ELMO1: variants seen among roughly 807,000 people sequenced by gnomAD.
ELMO1 encodes engulfment and cell motility protein 1.
Under a neutral mutation model 98.9 loss-of-function variants are expected in ELMO1, and 26 were observed. That is an observed-to-expected ratio of 0.26 (90% CI 0.19 to 0.36). ELMO1 has a LOEUF of 0.36. ELMO1 is among the 10% of genes least tolerant of loss of function. ELMO1 has a pLI of 1.00. For synonymous variants in ELMO1, 346 were observed against 346.0 expected, an observed-to-expected ratio of 1.00 and a Z score of 0.00; for missense variants, 627 against 935.2, an observed-to-expected ratio of 0.67 and a Z score of 4.30.
intron 16 of ELMO1, among the ~76,000 whole-genome samples, chr7:36,981,736 A>G (rs1410481169): frequency 6.6e-6 from 1 of 152,220 alleles, no homozygotes; most frequent in Non-Finnish European, 1.5e-5. Context: ...AAGAGGAAAC[A>G]GCATACTGTT....
intron 15 of ELMO1, among the ~76,000 whole-genome samples, chr7:37,089,404 AC>A (rs969944999): frequency 3.2e-4 from 48 of 152,210 alleles, no homozygotes; most frequent in Non-Finnish European, 5.9e-5. Context: ...CTAATTATAA[AC>A]GGTCAAACAG....
intron 15 of ELMO1, among the ~76,000 whole-genome samples, chr7:37,018,007 C>T (rs759038958): frequency 2.6e-5 from 4 of 152,114 alleles, no homozygotes; most frequent in Non-Finnish European, 4.4e-5. Context: ...CCTGTTTCCT[C>T]ATCTGTGAAA....
rs1014376278 is a variant in ELMO1 at position 37,151,472 on chromosome 7, C to T, written c.1087-18238G>A. ...ACTGGGTAACAAAATCCTAATGGGGCCTTCTAGCTCCCAAGCCTTCCGACC... is the reference window on the plus strand; with the variant it reads ...ACTGGGTAACAAAATCCTAATGGGGTCTTCTAGCTCCCAAGCCTTCCGACC... On this transcript the variant is annotated intron_variant, in intron 13 of 21. Coordinates refer to ENST00000310758, the MANE Select transcript of ELMO1 (RefSeq NM_014800.11). 5.3e-5 allele frequency among the ~76,000 whole-genome samples: 8 copies of T among 152,250 alleles called. No individual in the cohort carries two copies. The East Asian group carries it at 1.4e-3, about 26-fold the overall frequency.
At chr7:37,035,226 C>T (rs1795112897) in intron 15 of ELMO1, among the ~76,000 whole-genome samples, 1 of 152,166 alleles carries the variant, frequency 6.6e-6, no homozygotes, top group African/African-American at 2.4e-5. Context: ...AGCTATTTCT[C>T]CTATTAGCTA....
intron 4 of ELMO1, among the ~76,000 whole-genome samples, chr7:37,301,218 A>G (rs1263031740): frequency 6.6e-6 from 1 of 152,086 alleles, no homozygotes; most frequent in Non-Finnish European, 1.5e-5. Flanking sequence ...CAAAATAAGA[A>G]TGAAGTCATG....
At chr7:36,886,065 T>C (rs566226678) in intron 18 of ELMO1, among the ~76,000 whole-genome samples, 1 of 152,282 alleles carries the variant, frequency 6.6e-6, no homozygotes, top group African/African-American at 2.4e-5. Flanking sequence ...AGCCCTGTGG[T>C]CTTCTTGGAA....
intron 1 of ELMO1, among the ~76,000 whole-genome samples, chr7:37,357,872 A>G (rs1801550949): frequency 6.6e-6 from 1 of 152,258 alleles, no homozygotes; most frequent in Non-Finnish European, 1.5e-5. Flanking sequence ...CCAGTGGGCC[A>G]TGCTTAAGAA....
At chr7:36,984,830 A>G in intron 16 of ELMO1, 1 of 874,662 alleles carries the variant, frequency 1.1e-6, no homozygotes, top group Non-Finnish European at 1.4e-6. Flanking sequence ...CAAAATCAGG[A>G]GACAATCAGG....
chr7:37,193,033 G>A (rs1268280555), intron 13 of ELMO1, among the ~76,000 whole-genome samples: 1 of 141,654 alleles, frequency 7.1e-6, no homozygotes, highest in African/African-American at 2.7e-5. Context: ...TTAAAGAGTG[G>A]AAAGAAAAAG....
chr7:37,165,283 CAG>C (rs940298824), intron 13 of ELMO1, among the ~76,000 whole-genome samples: 55 of 152,196 alleles, frequency 3.6e-4, no homozygotes, highest in African/African-American at 1.2e-3. Context: ...CATCTGCAAA[CAG>C]GGACAATTTG....
chr7:37,231,988 G>T (rs1003550567), intron 8 of ELMO1, among the ~76,000 whole-genome samples: 8 of 152,016 alleles, frequency 5.3e-5, no homozygotes, highest in African/African-American at 1.9e-4. Flanking sequence ...AAGTAGGCGG[G>T]ATTACAGGCT....
intron 1 of ELMO1, among the ~76,000 whole-genome samples, chr7:37,391,180 G>C (rs769900087): frequency 6.6e-6 from 1 of 151,710 alleles, no homozygotes. Flanking sequence ...GTGGTGGCTC[G>C]ATCTCAGCTC....
chr7:37,257,122 A>G (rs1795706442), intron 6 of ELMO1, among the ~76,000 whole-genome samples: 1 of 152,190 alleles, frequency 6.6e-6, no homozygotes, highest in Non-Finnish European at 1.5e-5. Flanking sequence ...TTCAGTGGTT[A>G]AAGGAGTTGT....
Position 37,151,831 on chromosome 7 carries a change from G to A in ELMO1, c.1087-18597C>T, listed in dbSNP as rs542930139. ...CCCCACGATAAAGCTAACAAATACC[G>A]AGGAGAAATTTTCCACTCTCTTTCT... On this transcript the variant is annotated intron_variant, in intron 13 of 21. Transcript: ENST00000310758. 2.9e-3 allele frequency among the ~76,000 whole-genome samples: 435 copies of A among 152,218 alleles called. 1 individual carries two copies. The highest frequency in any genetic ancestry group is 9.8e-3 in the African/African-American group (406 of 41,520).
At chr7:36,976,260 T>G (rs1790536916) in intron 16 of ELMO1, among the ~76,000 whole-genome samples, 1 of 152,252 alleles carries the variant, frequency 6.6e-6, no homozygotes, top group Non-Finnish European at 1.5e-5. Context: ...TTTTCCCCAC[T>G]CTACCTCAAT....
At position 36,894,959 on chromosome 7, in the gene ELMO1, A is replaced by T; in HGVS notation, c.1496T>A (p.Leu499Gln). 6.2e-7 allele frequency: 1 copy of T among 1,614,120 alleles called. No homozygotes were observed. Among genetic ancestry groups the T allele is most frequent in the Non-Finnish European group, 8.5e-7 (1 of 1,180,004 alleles). The change falls in exon 17 of 22, where the codon CTG (leucine) becomes CAG (glutamine). Residue 499 changes from leucine to glutamine, a missense_variant. This residue lies in a region of ELMO1 where 492 missense variants were observed against 715.6 expected (regional missense o/e 0.69). Coordinates refer to ENST00000310758, the MANE Select transcript of ELMO1 (RefSeq NM_014800.11). ...CTGCAGTTTGCTCTTGAACTGGTCC[A>T]GGGAGCTAGGCTTGGTTGTAAGTGC... ...MRALTTKPSS[L>Q]DQFKSKLQNL...
intron 13 of ELMO1, among the ~76,000 whole-genome samples, chr7:37,187,277 G>C (rs1384303140): frequency 2.6e-5 from 4 of 152,138 alleles, no homozygotes; most frequent in Non-Finnish European, 4.4e-5. Flanking sequence ...AGACAACGTA[G>C]ACTAATTGGT....
At chr7:37,348,680 C>T (rs373065497) in intron 1 of ELMO1, among the ~76,000 whole-genome samples, 1 of 152,196 alleles carries the variant, frequency 6.6e-6, no homozygotes, top group Non-Finnish European at 1.5e-5. Context: ...ATTTTGAAGA[C>T]GACAGACAGA....
At chr7:37,324,572 C>G (rs1228097508) in intron 2 of ELMO1, among the ~76,000 whole-genome samples, 1 of 152,152 alleles carries the variant, frequency 6.6e-6, no homozygotes, top group Non-Finnish European at 1.5e-5. Context: ...ACTATGAGCT[C>G]TTGGATGACT....
Sources: allele counts gnomAD v4.1 joint callset (sites outside exome capture counted in the v4.1 genomes callset), GRCh38; gene constraint gnomAD v4.1.1; regional missense constraint gnomAD v4.1.1; transcripts MANE v1.5; gene names NCBI Gene and HGNC (gene_info 2026-07-23, HGNC 2026-07-21).